The following KCNA6 variants were observed in gnomAD, a reference collection of about 807,000 sequenced individuals.
The protein encoded by KCNA6 is potassium voltage-gated channel subfamily A member 6.
Under a neutral mutation model 29.5 loss-of-function variants are expected in KCNA6, and 17 were observed. The observed-to-expected ratio is 0.58, with a 90% CI of 0.39 to 0.86. The LOEUF (loss-of-function observed/expected upper bound fraction) is 0.86. KCNA6 is among the 40% of genes least tolerant of loss of function. KCNA6 has a pLI of 0.00. For synonymous variants in KCNA6, 296 were observed against 304.7 expected (o/e 0.97, Z 0.30); for missense variants, 450 against 703.4 (o/e 0.64, Z 4.07).
At chr12:4,838,488 G>A in the KCNA6 span, among the ~76,000 whole-genome samples, 3 of 152,242 alleles carry the variant, frequency 2.0e-5, no homozygotes, top group Admixed American at 2.0e-4. Context: ...ACCTCTTATT[G>A]CTTTTCAAGT....
chr12:4,811,181 C>T lies in KCNA6; in HGVS notation c.1140C>T (p.Ile380=), dbSNP rs769362242. The T allele has an allele frequency of 1.4e-5, 22 of 1,614,254 alleles. 1 individual carries two copies. In the South Asian group the frequency reaches 2.4e-4, roughly 18 times the overall value. The change falls in exon 1 of 1, where the codon ATC becomes ATT. Residue 380 remains isoleucine, a synonymous_variant. Transcript: ENST00000280684. This position sits in a 1 kb window ranked among gnomAD's most constrained non-coding sequence, Gnocchi z 7.1. Reference sequence around the variant, plus strand: ...CCATGAGGGAGCTGGGGCTGCTCATCTTCTTCCTCTTCATCGGGGTCATCC... The same window carrying T: ...CCATGAGGGAGCTGGGGCTGCTCATTTTCTTCCTCTTCATCGGGGTCATCC...
chr12:4,809,719 A>C, exon 1 of KCNA6: 2 of 274,826 alleles, frequency 7.3e-6, no homozygotes, highest in Non-Finnish European at 6.8e-6. Context: ...CTGGGGGCGA[A>C]GCCACGCGTC....
chr12:4,812,278 A>T (rs1452908379), exon 1 of KCNA6: 1 of 167,328 alleles, frequency 6.0e-6, no homozygotes, highest in Non-Finnish European at 1.5e-5. Context: ...TCCAGGACCA[A>T]AGAGGCCAAT....
chr12:4,820,815 C>T, the KCNA6 span, among the ~76,000 whole-genome samples: 1 of 152,166 alleles, frequency 6.6e-6, no homozygotes, highest in African/African-American at 2.4e-5. Flanking sequence ...AGGTATTTAG[C>T]ACTGGACAAA....
At chr12:4,844,422 G>A in the KCNA6 span, among the ~76,000 whole-genome samples, 500 of 152,252 alleles carry the variant, frequency 3.3e-3, 1 homozygote, top group African/African-American at 0.011. This position sits in a 1 kb window ranked among gnomAD's most constrained non-coding sequence, Gnocchi z 4.0. Context: ...GGGAGAAGGC[G>A]GTGACCTTAC....
At chr12:4,835,165 T>C in the KCNA6 span, among the ~76,000 whole-genome samples, 7 of 149,890 alleles carry the variant, frequency 4.7e-5, no homozygotes, top group East Asian at 9.8e-4. Context: ...GACAGAGTCT[T>C]GCTCTGTCGC....
the KCNA6 span, among the ~76,000 whole-genome samples, chr12:4,834,671 A>G: frequency 4.6e-5 from 7 of 152,170 alleles, no homozygotes; most frequent in African/African-American, 7.2e-5. Context: ...CTTTATTAGT[A>G]TCTAAAGCAG....
At chr12:4,835,134 AT>A in the KCNA6 span, among the ~76,000 whole-genome samples, 34,938 of 135,856 alleles carry the variant, frequency 0.26, 3,496 homozygotes, top group East Asian at 0.43. Flanking sequence ...ACAGAGAATG[AT>A]TTTTTTTTTT....
chr12:4,828,451 A>G, the KCNA6 span, among the ~76,000 whole-genome samples: 1 of 152,238 alleles, frequency 6.6e-6, no homozygotes, highest in African/African-American at 2.4e-5. Context: ...CTTGTAGTGT[A>G]GATATTTGTT....
At chr12:4,835,056 G>A in the KCNA6 span, among the ~76,000 whole-genome samples, 1 of 151,708 alleles carries the variant, frequency 6.6e-6, no homozygotes, top group African/African-American at 2.4e-5. Context: ...TGGGAATTTA[G>A]CATTCTTGGA....
At chr12:4,843,735 C>T in the KCNA6 span, among the ~76,000 whole-genome samples, 1 of 152,066 alleles carries the variant, frequency 6.6e-6, no homozygotes, top group Admixed American at 6.6e-5. Flanking sequence ...GTGGCGAAAC[C>T]AGAAGCAAGA....
At chr12:4,840,513 A>G in the KCNA6 span, among the ~76,000 whole-genome samples, 1 of 152,220 alleles carries the variant, frequency 6.6e-6, no homozygotes, top group African/African-American at 2.4e-5. Flanking sequence ...CCACTTCTTT[A>G]CCTCCTGGGA....
At chr12:4,817,321 C>T (rs1009593839), downstream of KCNA6, among the ~76,000 whole-genome samples, 4 of 152,234 alleles carry the variant, frequency 2.6e-5, no homozygotes, top group Non-Finnish European at 4.4e-5. Flanking sequence ...TCTTCCCAGA[C>T]ATAGGCCGCG....
At chr12:4,809,548 C>A (rs896986594) in exon 1 of KCNA6, 1 of 152,864 alleles carries the variant, frequency 6.5e-6, no homozygotes, top group African/African-American at 2.4e-5. Flanking sequence ...GGCCGAGCCC[C>A]GCCAGGAGTC....
chr12:4,818,415 G>A, the KCNA6 span, among the ~76,000 whole-genome samples: 1 of 152,166 alleles, frequency 6.6e-6, no homozygotes, highest in Non-Finnish European at 1.5e-5. Context: ...CAGTTCTGTG[G>A]CCTCAGTTTC....
downstream of KCNA6, among the ~76,000 whole-genome samples, chr12:4,816,728 C>T (rs1946686198): frequency 6.6e-6 from 1 of 152,128 alleles, no homozygotes; most frequent in South Asian, 2.1e-4. Flanking sequence ...CCTCTACAGT[C>T]GTTATTGATG....
chr12:4,816,611 GT>G (rs2137582804), downstream of KCNA6, among the ~76,000 whole-genome samples: 1 of 152,020 alleles, frequency 6.6e-6, no homozygotes, highest in African/African-American at 2.4e-5. Context: ...AGGGCCCAAG[GT>G]TTTATGTATT....
At chr12:4,840,585 G>T in the KCNA6 span, among the ~76,000 whole-genome samples, 1 of 152,216 alleles carries the variant, frequency 6.6e-6, no homozygotes. Flanking sequence ...CAAGCTCAAG[G>T]TTTTAAGGAA....
At chr12:4,835,474 T>C in the KCNA6 span, among the ~76,000 whole-genome samples, 3 of 152,168 alleles carry the variant, frequency 2.0e-5, no homozygotes, top group Non-Finnish European at 4.4e-5. Flanking sequence ...TTTCCTTTTT[T>C]TTCCTCCATT....
Sources: allele counts gnomAD v4.1 joint callset (sites outside exome capture counted in the v4.1 genomes callset), GRCh38; gene constraint gnomAD v4.1.1; non-coding constraint Gnocchi (gnomAD v3.1); transcripts MANE v1.5; gene names NCBI Gene and HGNC (gene_info 2026-07-23, HGNC 2026-07-21).